Variants in HRH1 observed in about 807,000 individuals in gnomAD.
HRH1 encodes histamine receptor H1.
Under a neutral mutation model 10.3 loss-of-function variants are expected in HRH1, and 6 were observed. The ratio of observed to expected loss-of-function variants is 0.58; its 90% CI spans 0.32 to 1.15. HRH1 has a LOEUF of 1.15. Among genes scored for constraint, HRH1 ranks in the 50% most tolerant of loss-of-function variants. HRH1 has a pLI of 0.05. For missense variants in HRH1, 514 were observed against 615.3 expected, an observed-to-expected ratio of 0.84 and a Z score of 1.74; for synonymous variants, 242 against 236.7, an observed-to-expected ratio of 1.02 and a Z score of -0.21.
chr3:11,150,758 G>A (rs1936592264), upstream of HRH1, among the ~76,000 whole-genome samples: 3 of 152,130 alleles, frequency 2.0e-5, no homozygotes, highest in Non-Finnish European at 4.4e-5. Flanking sequence ...TCCTCTCCCC[G>A]GGCCTTCCTC....
intron 1 of HRH1, among the ~76,000 whole-genome samples, chr3:11,210,274 G>C (rs1938281412): frequency 6.6e-6 from 1 of 152,092 alleles, no homozygotes; most frequent in Non-Finnish European, 1.5e-5. Flanking sequence ...AGTACCTGTG[G>C]TCTCAGCTAC....
In HRH1 at chr3:11,154,663, A is replaced by G. The variant is rs1342080171; in HGVS notation, c.-36+109A>G. ...GGGCATCCCGGCAGGGCGGCCGGGA[A>G]CCCCGGAGCCGCCCGCTTGAGAAGA... On this transcript the variant is annotated intron_variant, in intron 1 of 1. Coordinates refer to ENST00000431010, the MANE Select transcript of HRH1 (RefSeq NM_001098212.2). The surrounding 1 kb of genome is among the most constrained non-coding windows in gnomAD (Gnocchi z 4.4). The G allele has an allele frequency of 1.3e-5, 2 of 151,520 alleles. No individual in the cohort carries two copies. The highest frequency in any genetic ancestry group is 1.5e-5 in the Non-Finnish European group (1 of 67,844). 9.4% of individuals were successfully genotyped at this position (151,520 alleles called of 1,614,324 possible). A position where few individuals can be genotyped will look rare whatever the true frequency, so the allele number is the denominator to read the frequency against.
intron 1 of HRH1, among the ~76,000 whole-genome samples, chr3:11,209,423 A>G (rs1020312671): frequency 6.6e-6 from 1 of 152,108 alleles, no homozygotes; most frequent in Admixed American, 6.5e-5. Flanking sequence ...GCTAATTTTT[A>G]ATTGCCTAGA....
rs1939928865 is a variant in HRH1 at position 11,260,574 on chromosome 3, G to A, written c.*73G>A. Reference sequence around the variant, plus strand: ...AAGGAAATAGAGGACGAAGGCCTGTGTGTTGCCAGGCAGGCACCTGGGCTT... The same window carrying A: ...AAGGAAATAGAGGACGAAGGCCTGTATGTTGCCAGGCAGGCACCTGGGCTT... On this transcript the variant is annotated 3_prime_UTR_variant, in exon 2 of 2. Coordinates refer to ENST00000431010, the MANE Select transcript of HRH1 (RefSeq NM_001098212.2). The A allele has an allele frequency of 2.1e-6, 3 of 1,404,066 alleles. No individual in the cohort carries two copies. Among genetic ancestry groups the A allele is most frequent in the East Asian group, 2.3e-5 (1 of 43,526 alleles). The allele number at this position is 1,404,066 out of a possible 1,614,324, so 87.0% of individuals were successfully genotyped here.
intron 1 of HRH1, among the ~76,000 whole-genome samples, chr3:11,246,511 C>G (rs911594465): frequency 1.3e-5 from 2 of 152,168 alleles, no homozygotes; most frequent in Admixed American, 6.5e-5. Flanking sequence ...CCTCAGGGAC[C>G]AGATTTTTCA....
At chr3:11,240,392 C>A (rs1575036346) in intron 1 of HRH1, among the ~76,000 whole-genome samples, 1 of 152,178 alleles carries the variant, frequency 6.6e-6, no homozygotes, top group East Asian at 1.9e-4. Context: ...ACAGGCAGAT[C>A]TGAGTCTGCA....
intron 1 of HRH1, among the ~76,000 whole-genome samples, chr3:11,211,985 G>A (rs116003433): frequency 5.3e-5 from 8 of 152,096 alleles, no homozygotes; most frequent in South Asian, 2.1e-4. Flanking sequence ...TTTAACGTAC[G>A]CACTCCCAAG....
At chr3:11,140,742 A>G (rs1348249658) in intron 1 of HRH1, among the ~76,000 whole-genome samples, 1 of 151,936 alleles carries the variant, frequency 6.6e-6, no homozygotes, top group Non-Finnish European at 1.5e-5. Flanking sequence ...GAATCACACA[A>G]CTTCCCTGAC....
intron 1 of HRH1, among the ~76,000 whole-genome samples, chr3:11,179,647 C>T (rs573545209): frequency 6.6e-6 from 1 of 151,476 alleles, no homozygotes; most frequent in South Asian, 2.1e-4. Flanking sequence ...GAAAGAAAGT[C>T]AGCCAGAAGG....
chr3:11,198,868 A>T (rs994729522), intron 1 of HRH1, among the ~76,000 whole-genome samples: 1 of 151,504 alleles, frequency 6.6e-6, no homozygotes, highest in Non-Finnish European at 1.5e-5. Context: ...TGAACCCCAC[A>T]CCACCCTGTG....
chr3:11,173,864 G>A (rs992426943), intron 1 of HRH1, among the ~76,000 whole-genome samples: 1 of 152,190 alleles, frequency 6.6e-6, no homozygotes, highest in Admixed American at 6.5e-5. Flanking sequence ...TCAGTCCAAA[G>A]ACAGACTCTG....
intron 1 of HRH1, among the ~76,000 whole-genome samples, chr3:11,163,282 G>A (rs982241333): frequency 7.2e-5 from 11 of 152,112 alleles, no homozygotes; most frequent in African/African-American, 1.9e-4. Context: ...GTCCCTTTCC[G>A]AGGGACATAT....
At chr3:11,220,894 G>C (rs1938689190) in intron 1 of HRH1, among the ~76,000 whole-genome samples, 1 of 152,106 alleles carries the variant, frequency 6.6e-6, no homozygotes, top group Non-Finnish European at 1.5e-5. Flanking sequence ...CAATCACAGA[G>C]ACAGTCAGTT....
chr3:11,214,870 G>A (rs1257780095), intron 1 of HRH1, among the ~76,000 whole-genome samples: 2 of 152,220 alleles, frequency 1.3e-5, no homozygotes, highest in African/African-American at 4.8e-5. Flanking sequence ...ATAAAATCTG[G>A]TGATGGGTTC....
At chr3:11,229,110 TTCC>T (rs1479124789) in intron 1 of HRH1, among the ~76,000 whole-genome samples, 1 of 152,182 alleles carries the variant, frequency 6.6e-6, no homozygotes, top group Non-Finnish European at 1.5e-5. Flanking sequence ...CCTCCCTCCC[TTCC>T]TTTTTCTTCC....
intron 1 of HRH1, among the ~76,000 whole-genome samples, chr3:11,255,526 T>G (rs1389387525): frequency 6.6e-6 from 1 of 152,182 alleles, no homozygotes; most frequent in Non-Finnish European, 1.5e-5. Flanking sequence ...ATTTGGAAAG[T>G]TTATTTTGCC....
intron 1 of HRH1, among the ~76,000 whole-genome samples, chr3:11,193,365 G>A (rs1937585431): frequency 1.3e-5 from 2 of 152,244 alleles, no homozygotes. Flanking sequence ...TTATGGTTTT[G>A]AGGTACTGTC....
chr3:11,191,657 A>T (rs1937533399), intron 1 of HRH1, among the ~76,000 whole-genome samples: 1 of 152,206 alleles, frequency 6.6e-6, no homozygotes, highest in Non-Finnish European at 1.5e-5. Context: ...CAGCATGGAG[A>T]CAGCCCCAGA....
At chr3:11,141,815 C>T (rs1936297153) in intron 1 of HRH1, among the ~76,000 whole-genome samples, 1 of 152,182 alleles carries the variant, frequency 6.6e-6, no homozygotes, top group East Asian at 1.9e-4. Context: ...CAGGGCCATC[C>T]TGGACACAAG....
Sources: allele counts gnomAD v4.1 joint callset (sites outside exome capture counted in the v4.1 genomes callset), GRCh38; gene constraint gnomAD v4.1.1; non-coding constraint Gnocchi (gnomAD v3.1); transcripts MANE v1.5; gene names NCBI Gene and HGNC (gene_info 2026-07-23, HGNC 2026-07-21).